UBTF: variants seen among roughly 807,000 people sequenced by gnomAD.
The protein encoded by UBTF is nucleolar transcription factor 1.
Under a neutral mutation model 112.3 loss-of-function variants are expected in UBTF, and 8 were observed. The ratio of observed to expected loss-of-function variants is 0.07; its 90% confidence interval spans 0.04 to 0.13. UBTF has a LOEUF of 0.13. UBTF is among the 10% of genes least tolerant of loss of function. The probability of loss-of-function intolerance (pLI) is 1.00; values close to 1 mark genes in which losing one functional copy is unlikely to be tolerated. For synonymous variants in UBTF, 417 were observed against 373.1 expected, an observed-to-expected ratio of 1.12 and a Z score of -1.36; for missense variants, 457 against 982.1, an observed-to-expected ratio of 0.47 and a Z score of 7.15.
chr17:44,214,241 C>T (rs2046731324), intron 5 of UBTF, among the ~76,000 whole-genome samples: 1 of 152,228 alleles, frequency 6.6e-6, no homozygotes. Flanking sequence ...GCTCCTTTCC[C>T]ACAGTTCCCA....
intron 8 of UBTF, 62 bp from the exon 9 acceptor site, chr17:44,212,068 G>C: frequency 6.4e-7 from 1 of 1,566,712 alleles, no homozygotes; most frequent in Non-Finnish European, 8.7e-7. Flanking sequence ...GGCAGGGGCA[G>C]GGGGAGAGCC....
At chr17:44,209,781 A>G in intron 15 of UBTF, 48 bp from the exon 16 acceptor site, 1 of 1,582,120 alleles carries the variant, frequency 6.3e-7, no homozygotes, top group Non-Finnish European at 8.6e-7. Context: ...CCCCCAAAAT[A>G]CTGCTGCCTT....
chr17:44,210,731 A>C lies in UBTF; in HGVS notation c.1359+61T>G, dbSNP rs533958293. 2.4e-4 allele frequency: 377 copies of C among 1,541,634 alleles called. 1 individual carries two copies. Among genetic ancestry groups the C allele is most frequent in the Non-Finnish European group, 8.7e-6 (10 of 1,143,446 alleles). On this transcript the variant is annotated intron_variant, in intron 13 of 20. Coordinates refer to ENST00000436088, the MANE Select transcript of UBTF (RefSeq NM_014233.4). ...AGGGGCGAGGTGGCACGGCCCGCCA[A>C]GGGGAAGAGGGGGCCCTGGCAGCCC...
chr17:44,218,174 T>C lies in UBTF; in HGVS notation c.56A>G (p.Gln19Arg). ...TDLEMAAPKG[Q>R]DRWSQEDMLT... ...GGGCCGGGGGTGGATGCCCCTACCTTGGCCTTTGGGGGCGGCCATTTCCAG... is the reference window on the plus strand; with the variant it reads ...GGGCCGGGGGTGGATGCCCCTACCTCGGCCTTTGGGGGCGGCCATTTCCAG... Residue 19 changes from glutamine to arginine, a missense_variant and splice_region_variant, in exon 2 of 21, where the codon CAA becomes CGA. This residue lies in a region of UBTF where 20 missense variants were observed against 29.1 expected (regional missense o/e 0.69). Coordinates refer to ENST00000436088, the MANE Select transcript of UBTF (RefSeq NM_014233.4). 1 of 1,612,986 alleles carries C rather than the reference T, an allele frequency of 6.2e-7. No individual in the cohort carries two copies. Among genetic ancestry groups the C allele is most frequent in the Non-Finnish European group, 8.5e-7 (1 of 1,179,738 alleles).
At chr17:44,214,449 T>C (rs1322801070) in intron 5 of UBTF, among the ~76,000 whole-genome samples, 1 of 152,240 alleles carries the variant, frequency 6.6e-6, no homozygotes, top group Non-Finnish European at 1.5e-5. Flanking sequence ...GCCCAAGTCT[T>C]GTGTCCCCCA....
intron 1 of UBTF, 86 bp from the exon 2 acceptor site, chr17:44,218,382 A>C: frequency 2.7e-6 from 2 of 733,622 alleles, no homozygotes; most frequent in Non-Finnish European, 4.6e-6. Context: ...AGAAGGGGGC[A>C]GGTCCACACT....
chr17:44,212,540 C>T (rs1004753380), intron 7 of UBTF, 86 bp from the exon 8 acceptor site: 1 of 1,073,928 alleles, frequency 9.3e-7, no homozygotes, highest in Non-Finnish European at 1.3e-6. Context: ...AGGCCCCCGC[C>T]CCCTCAGGCC....
At position 44,210,809 on chromosome 17, in the gene UBTF, G is replaced by A. The variant is rs1195326423; in HGVS notation, c.1342C>T (p.Leu448=). 4.5e-6 allele frequency: 7 copies of A among 1,567,320 alleles called. No homozygotes were observed. The highest frequency in any genetic ancestry group is 6.1e-6 in the Non-Finnish European group (7 of 1,155,288). ...AGCCTGACCTTCTTCTTCTCAGACA[G>A]GTCGTTCCACATTCGGGCCAGCAGG... The part of the protein sequence containing the change: ...TRLLARMWND[L]SEKKKAKYKA... The change falls in exon 13 of 21, where the codon CTG becomes TTG. Residue 448 remains leucine (L), a synonymous_variant. Transcript: ENST00000436088.
intron 19 of UBTF, 44 bp downstream of exon 19, chr17:44,207,655 G>A (rs771377018): frequency 1.2e-6 from 2 of 1,614,188 alleles, no homozygotes; most frequent in South Asian, 1.1e-5. Flanking sequence ...ATTCCAGGCA[G>A]TGCCCCCCGC....
intron 5 of UBTF, among the ~76,000 whole-genome samples, chr17:44,213,755 T>C (rs1470441244): frequency 6.6e-6 from 1 of 152,046 alleles, no homozygotes; most frequent in Non-Finnish European, 1.5e-5. Context: ...CTGGGCTGAG[T>C]CCTGTTTCCA....
At chr17:44,208,346 C>T (rs2056412524) in intron 17 of UBTF, among the ~76,000 whole-genome samples, 1 of 152,146 alleles carries the variant, frequency 6.6e-6, no homozygotes, top group Non-Finnish European at 1.5e-5. Flanking sequence ...TCAAGTGATC[C>T]TTCATACCTT....
chr17:44,215,099 G>A (rs1048392653), intron 5 of UBTF, among the ~76,000 whole-genome samples: 14 of 115,100 alleles, frequency 1.2e-4, no homozygotes, highest in African/African-American at 6.8e-4. Context: ...GAGTGAACAC[G>A]TGTGCGTGGA....
At chr17:44,210,095 G>A (rs1446472904) in intron 15 of UBTF, 29 bp downstream of exon 15, 6 of 1,612,018 alleles carry the variant, frequency 3.7e-6, no homozygotes, top group Non-Finnish European at 4.2e-6. Context: ...AGCTTTCAAT[G>A]AATGGGGTGG....
Position 44,206,933 on chromosome 17 carries a change from T to C in UBTF, c.*309A>G, listed in dbSNP as rs1003683329. The stretch of plus-strand genomic sequence containing the variant: ...CCCCCCACCCCCACTCTCCGGTCCA[T>C]TGTCCATGCCGGAACCGCAAGTGCA... On this transcript the variant is annotated 3_prime_UTR_variant, in exon 21 of 21. Coordinates refer to ENST00000436088, the MANE Select transcript of UBTF (RefSeq NM_014233.4). The C allele has an allele frequency of 1.1e-5, 5 of 472,876 alleles. No individual in the cohort carries two copies. Among genetic ancestry groups the C allele is most frequent in the Admixed American group, 3.8e-5 (1 of 26,630 alleles). The allele number at this position is 472,876 out of a possible 1,614,324, so 29.3% of individuals were successfully genotyped here. A position where few individuals can be genotyped will look rare whatever the true frequency, so the allele number is the denominator to read the frequency against.
In UBTF at chr17:44,213,201, G is replaced by T; in HGVS notation, c.539+17C>A. The stretch of plus-strand genomic sequence containing the variant: ...CCCCAGTGCCCCGTGGCCCTCCTCT[G>T]GGCTCCACTGCCTTACCTGAATCGG... On this transcript the variant is annotated intron_variant, in intron 6 of 20. Transcript: ENST00000436088. 1 of 1,612,176 alleles carries T rather than the reference G, an allele frequency of 6.2e-7. No homozygotes were observed.
intron 5 of UBTF, 100 bp from the exon 6 acceptor site, chr17:44,213,382 C>G (rs2046675334): frequency 1.5e-6 from 2 of 1,319,916 alleles, no homozygotes; most frequent in Admixed American, 4.4e-5. Flanking sequence ...TTCTGCCTCC[C>G]ACGCTGTGAT....
intron 17 of UBTF, 171 bp downstream of exon 17, chr17:44,209,181 A>AT (rs992803074): frequency 1.7e-4 from 114 of 682,378 alleles, no homozygotes; most frequent in East Asian, 1.4e-3. Context: ...AATAAAAAAA[A>AT]AAATAAAAAT....
intron 1 of UBTF, chr17:44,219,169 C>T (rs979427435): frequency 6.6e-6 from 1 of 150,802 alleles, no homozygotes; most frequent in Admixed American, 6.6e-5. Context: ...CAGCGCTCAC[C>T]GGCCCCGCCG....
Position 44,216,721 on chromosome 17 carries a change from G to A in UBTF, c.59-17C>T. The A allele has an allele frequency of 1.2e-6, 2 of 1,613,820 alleles. No individual in the cohort carries two copies. Among genetic ancestry groups the A allele is most frequent in the South Asian group, 2.2e-5 (2 of 91,076 alleles). On this transcript the variant is annotated splice_polypyrimidine_tract_variant and intron_variant, in intron 2 of 20. Transcript: ENST00000436088. The stretch of plus-strand genomic sequence containing the variant: ...ACCAACGGTCTGGTAAAGAGTAACA[G>A]AGGCCATCATGCCTGGCTCATGCTA...
Sources: allele counts gnomAD v4.1 joint callset (sites outside exome capture counted in the v4.1 genomes callset), GRCh38; gene constraint gnomAD v4.1.1; regional missense constraint gnomAD v4.1.1; transcripts MANE v1.5; gene names NCBI Gene and HGNC (gene_info 2026-07-23, HGNC 2026-07-21).